ZNF850: variants seen among roughly 807,000 people sequenced by gnomAD.
ZNF850 encodes putative zinc finger protein ENSP00000330994.
ZNF850 carries 2 observed loss-of-function variants against 11.9 expected under a neutral mutation model. That is an observed-to-expected ratio of 0.17 (90% CI 0.07 to 0.53). The LOEUF (loss-of-function observed/expected upper bound fraction) is 0.53, where lower values mean the gene tolerates loss of function less well. Ranked by LOEUF, ZNF850 falls within the 20% of genes least tolerant of loss-of-function variation. The pLI, the probability that ZNF850 is intolerant of heterozygous loss-of-function variation, is 0.94. For missense variants in ZNF850, 1,014 were observed against 1,316.4 expected (o/e 0.77, Z 3.55); for synonymous variants, 381 against 443.0 (o/e 0.86, Z 1.76).
In ZNF850 at chr19:36,749,107, A is replaced by C; in HGVS notation, c.1933T>G (p.Tyr645Asp). The change falls in exon 5 of 5, where the codon TAT becomes GAT. Residue 645 changes from tyrosine (Y) to aspartate (D), a missense_variant. Physicochemically the swap from Tyr to Asp is radical, Grantham distance 160. Around this residue, in one of 2 missense-constraint regions of ZNF850, gnomAD observed 835 missense variants for 1,022.0 expected, o/e 0.82. Transcript: ENST00000591344. ...GCTTTCCCACATTCCTGACATTGAT[A>C]AGGTTTCTCACCAGTATGGATTTGT... is the stretch of plus-strand genomic sequence containing the variant. ...HQQIHTGEKP[Y>D]QCQECGKAFV... 1 of 1,602,890 alleles carries C rather than the reference A, an allele frequency of 6.2e-7. No individual in the cohort carries two copies. Among genetic ancestry groups the C allele is most frequent in the South Asian group, 1.1e-5 (1 of 90,162 alleles).
At position 36,750,387 on chromosome 19, in the gene ZNF850, A is replaced by G; in HGVS notation, c.653T>C (p.Ile218Thr). The change falls in exon 5 of 5, where the codon ATT becomes ACT. Residue 218 changes from isoleucine to threonine, a missense_variant. Physicochemically the swap from Ile to Thr is moderately conservative, Grantham distance 89 (BLOSUM62 -1). Transcript: ENST00000591344. ...HFSYLVKHQR[I>T]HTGEKPCACK... The stretch of plus-strand genomic sequence containing the variant: ...TGCACAGGGCTTTTCCCCAGTATGA[A>G]TTCTCTGATGTTTAACAAGATAGGA... The G allele has an allele frequency of 6.5e-7, 1 of 1,536,612 alleles. No individual in the cohort carries two copies.
At chr19:36,771,383 G>A (rs2040581822) in intron 1 of ZNF850, among the ~76,000 whole-genome samples, 3 of 152,158 alleles carry the variant, frequency 2.0e-5, no homozygotes, top group African/African-American at 7.2e-5. Context: ...GTTTGGCCCA[G>A]GACCAATCAG....
chr19:36,762,193 C>G (rs2040523117), intron 3 of ZNF850, 112 bp downstream of exon 3: 1 of 878,970 alleles, frequency 1.1e-6, no homozygotes. Flanking sequence ...AGCTGCCCAT[C>G]TATTAATCTA....
In ZNF850 at chr19:36,748,904, G is replaced by A. The variant is rs1177204016; in HGVS notation, c.2136C>T (p.Phe712=). ...GCTGATGTTGAATTAGTCCTGAGCA[G>A]AAAGTAAAAGATTTCCCACATTCTT... ...ECKECGKSFT[F]CSGLIQHQQN... The change falls in exon 5 of 5, where the codon TTC becomes TTT. Residue 712 remains phenylalanine (F), a synonymous_variant. Transcript: ENST00000591344. The A allele has an allele frequency of 1.9e-6, 3 of 1,559,328 alleles. No homozygotes were observed. Among genetic ancestry groups the A allele is most frequent in the Non-Finnish European group, 2.6e-6 (3 of 1,154,924 alleles).
At chr19:36,757,054 C>T (rs147402269) in intron 4 of ZNF850, among the ~76,000 whole-genome samples, 1,672 of 152,270 alleles carry the variant, frequency 0.011, 32 homozygotes, top group African/African-American at 0.038. Context: ...CAAATGTAGG[C>T]ACATTTTCAT....
rs145117923 is a variant in ZNF850 at position 36,747,856 on chromosome 19, C to T, written c.3184G>A (p.Glu1062Lys). 1.6e-3 allele frequency: 2,552 copies of T among 1,581,784 alleles called. 4 individuals are homozygous for T. The highest frequency in any genetic ancestry group is 5.3e-3 in the Middle Eastern group (32 of 6,034). ...LSRHQSVHTG[E>K]KPYECKTCGK... The stretch of plus-strand genomic sequence containing the variant: ...CATGTCTTACATTCATAGGGTTTCT[C>T]GCCAGTGTGAACACTCTGATGTCGG... The change falls in exon 5 of 5, where the codon GAG becomes AAG. Residue 1062 changes from glutamate to lysine, a missense_variant. Transcript: ENST00000591344.
chr19:36,748,111 C>A lies in ZNF850; in HGVS notation c.2929G>T (p.Gly977Cys). Residue 977 changes from glycine to cysteine, a missense_variant, in exon 5 of 5, where the codon GGT becomes TGT. By Grantham distance (159) the Gly-to-Cys change is radical (BLOSUM62 -3). Coordinates refer to ENST00000591344, the MANE Select transcript of ZNF850 (RefSeq NM_001193552.2). Reference sequence around the variant, plus strand: ...TCTTTACATTCATAAGGTCTGTCACCGGTATGAATTCTCTGATGTAGAGTA... The same window carrying A: ...TCTTTACATTCATAAGGTCTGTCACAGGTATGAATTCTCTGATGTAGAGTA... ...HLTLHQRIHT[G>C]DRPYECKECG... 1 of 1,549,124 alleles carries A rather than the reference C, an allele frequency of 6.5e-7. No individual in the cohort carries two copies. Among genetic ancestry groups the A allele is most frequent in the East Asian group, 2.4e-5 (1 of 41,108 alleles).
intron 4 of ZNF850, among the ~76,000 whole-genome samples, chr19:36,756,946 G>A (rs958526201): frequency 6.6e-6 from 1 of 152,096 alleles, no homozygotes; most frequent in Non-Finnish European, 1.5e-5. Context: ...CATTTAGATT[G>A]TTACTGCTGT....
intron 4 of ZNF850, among the ~76,000 whole-genome samples, chr19:36,755,513 A>G (rs2040480524): frequency 6.6e-6 from 1 of 152,072 alleles, no homozygotes; most frequent in Non-Finnish European, 1.5e-5. Flanking sequence ...GAGCCACCGC[A>G]CCTGGCCTAA....
intron 4 of ZNF850, among the ~76,000 whole-genome samples, chr19:36,758,056 G>A (rs974766586): frequency 1.9e-4 from 29 of 152,102 alleles, no homozygotes; most frequent in African/African-American, 5.1e-4. Context: ...TGTAGCTAGC[G>A]GCTACTGTAT....
At position 36,749,944 on chromosome 19, in the gene ZNF850, C is replaced by G. The variant is rs563788573; in HGVS notation, c.1096G>C (p.Asp366His). ...AAAGATTTTCCACATTCCTTACAGT[C>G]ATAGGGTTTCTCACCAGTGTGAATT... ...QRIHTGEKPYDCKECGKSFTF... is the reference protein window; with the variant it reads ...QRIHTGEKPYHCKECGKSFTF... The change falls in exon 5 of 5, where the codon GAC (aspartate) becomes CAC (histidine). Residue 366 changes from aspartate (D) to histidine (H), a missense_variant. Coordinates refer to ENST00000591344, the MANE Select transcript of ZNF850 (RefSeq NM_001193552.2). 1.3e-6 allele frequency: 2 copies of G among 1,568,554 alleles called. No homozygotes were observed. The highest frequency in any genetic ancestry group is 3.7e-5 in the Admixed American group (2 of 53,514).
Position 36,747,824 on chromosome 19 carries a change from C to T in ZNF850, c.3216G>A (p.Lys1072=), listed in dbSNP as rs541869184. 7 of 1,575,200 alleles carry T rather than the reference C, an allele frequency of 4.4e-6. No individual in the cohort carries two copies. In the South Asian group the frequency reaches 6.9e-5, roughly 16 times the overall value. Residue 1072 remains lysine, a synonymous_variant, in exon 5 of 5, where the codon AAG becomes AAA. Coordinates refer to ENST00000591344, the MANE Select transcript of ZNF850 (RefSeq NM_001193552.2). The part of the protein sequence containing the change: ...EKPYECKTCG[K]AFKQLTQLTR... Reference sequence around the variant, plus strand: ...TAAGCTGTGTAAGCTGTTTAAAGGCCTTCCCACATGTCTTACATTCATAGG... The same window carrying T: ...TAAGCTGTGTAAGCTGTTTAAAGGCTTTCCCACATGTCTTACATTCATAGG...
At position 36,748,128 on chromosome 19, in the gene ZNF850, TGTA is replaced by T; in HGVS notation, c.2909_2911del (p.Leu970del). 6.4e-7 allele frequency: 1 copy of T among 1,550,642 alleles called. No homozygotes were observed. Among genetic ancestry groups the T allele is most frequent in the South Asian group, 1.2e-5 (1 of 84,566 alleles). On this transcript the variant is annotated inframe_deletion, in exon 5 of 5. Transcript: ENST00000591344. The stretch of plus-strand genomic sequence containing the variant: ...TCTGTCACCGGTATGAATTCTCTGA[TGTA>T]GAGTAAGGTGTGTACGCTGTCTGAA...
Position 36,765,002 on chromosome 19 carries a change from C to G in ZNF850, c.-69-2327G>C, listed in dbSNP as rs562990614. 2.0e-5 allele frequency among the ~76,000 whole-genome samples: 3 copies of G among 152,142 alleles called. No homozygotes were observed. The South Asian group carries it at 6.2e-4, about 32-fold the overall frequency. On this transcript the variant is annotated intron_variant, in intron 1 of 4. Coordinates refer to ENST00000591344, the MANE Select transcript of ZNF850 (RefSeq NM_001193552.2). ...TGCCCGGGCAACTCTGATTTTCTAACTTGCCCCCTGTATTAGGGTCATACT... is the reference window on the plus strand; with the variant it reads ...TGCCCGGGCAACTCTGATTTTCTAAGTTGCCCCCTGTATTAGGGTCATACT...
At chr19:36,754,234 G>C (rs976346958) in intron 4 of ZNF850, among the ~76,000 whole-genome samples, 3 of 146,764 alleles carry the variant, frequency 2.0e-5, no homozygotes, top group African/African-American at 7.5e-5. Flanking sequence ...CAAAGAAAAA[G>C]TAAATTTCAA....
At chr19:36,760,132 G>C (rs2040509361) in intron 4 of ZNF850, among the ~76,000 whole-genome samples, 1 of 152,172 alleles carries the variant, frequency 6.6e-6, no homozygotes, top group African/African-American at 2.4e-5. Context: ...TTTTTAGAAA[G>C]TGATTTATAC....
rs765126159 is a variant in ZNF850, at chr19:36,750,743, T to C, written c.297A>G (p.Thr99=). The part of the protein sequence containing the change: ...SCLPKEIYEV[T]SSQWVRMEKC... ...TTTCCATTCTCACCCACTGAGATGA[T>C]GTTACTTCATAGATTTCTTTTGGCA... The change falls in exon 5 of 5, where the codon ACA becomes ACG. Residue 99 remains threonine, a synonymous_variant. Transcript: ENST00000591344. The C allele has an allele frequency of 2.0e-6, 3 of 1,532,524 alleles. No homozygotes were observed. Among genetic ancestry groups the C allele is most frequent in the Non-Finnish European group, 2.6e-6 (3 of 1,144,890 alleles). 94.9% of individuals were successfully genotyped at this position (1,532,524 alleles called of 1,614,324 possible). A position where few individuals can be genotyped will look rare whatever the true frequency, so the allele number is the denominator to read the frequency against.
chr19:36,767,555 C>T (rs1346364518), intron 1 of ZNF850, among the ~76,000 whole-genome samples: 1 of 151,298 alleles, frequency 6.6e-6, no homozygotes. Flanking sequence ...GAAACTCTAT[C>T]TCAAAAAAAA....
In ZNF850 at chr19:36,750,533, C is replaced by A; in HGVS notation, c.507G>T (p.Leu169=). 1.4e-5 allele frequency: 21 copies of A among 1,536,180 alleles called. No individual in the cohort carries two copies. The highest frequency in any genetic ancestry group is 1.7e-5 in the Non-Finnish European group (20 of 1,146,920). ...AAGCCATACATTCTGTGGATTTATACAGTTTCTCTCCAGGATGAATCCGAT... is the reference window on the plus strand; with the variant it reads ...AAGCCATACATTCTGTGGATTTATAAAGTTTCTCTCCAGGATGAATCCGAT... The part of the protein sequence containing the change: ...LHHRIHPGEK[L]YKSTECMAFK... The change falls in exon 5 of 5, where the codon CTG becomes CTT. Residue 169 remains leucine (L), a synonymous_variant. Coordinates refer to ENST00000591344, the MANE Select transcript of ZNF850 (RefSeq NM_001193552.2).
Sources: allele counts gnomAD v4.1 joint callset (sites outside exome capture counted in the v4.1 genomes callset), GRCh38; gene constraint gnomAD v4.1.1; regional missense constraint gnomAD v4.1.1; transcripts MANE v1.5; gene names NCBI Gene and HGNC (gene_info 2026-07-23, HGNC 2026-07-21).